ST13: variants seen among roughly 807,000 people sequenced by gnomAD.
The protein encoded by ST13 is hsc70-interacting protein.
Under a neutral mutation model 56.7 loss-of-function variants are expected in ST13, and 23 were observed. The observed-to-expected ratio is 0.41, with a 90% CI of 0.29 to 0.57. The LOEUF is 0.57. Among genes scored for constraint, ST13 ranks in the 20% least tolerant of loss-of-function variants. The pLI is 0.36. For synonymous variants in ST13, 132 were observed against 142.4 expected, an observed-to-expected ratio of 0.93 and a Z score of 0.52; for missense variants, 369 against 459.9, an observed-to-expected ratio of 0.80 and a Z score of 1.81.
At chr22:40,849,471 C>G (rs2057849887) in intron 2 of ST13, among the ~76,000 whole-genome samples, 1 of 122,790 alleles carries the variant, frequency 8.1e-6, no homozygotes, top group South Asian at 2.6e-4. Flanking sequence ...CAGAGTGAGA[C>G]TCTGTCTCAA....
chr22:40,837,116 A>AC (rs1184468899), intron 5 of ST13, among the ~76,000 whole-genome samples: 1 of 152,242 alleles, frequency 6.6e-6, no homozygotes, highest in Non-Finnish European at 1.5e-5. Context: ...GAACACAGAA[A>AC]TTTTTAAATA....
chr22:40,852,779 C>T (rs1253547607), intron 1 of ST13, among the ~76,000 whole-genome samples: 1 of 152,172 alleles, frequency 6.6e-6, no homozygotes, highest in East Asian at 1.9e-4. Flanking sequence ...CCACAAAATT[C>T]TTTTCTATGG....
chr22:40,853,755 A>C (rs954658916), intron 1 of ST13, among the ~76,000 whole-genome samples: 1 of 152,222 alleles, frequency 6.6e-6, no homozygotes, highest in African/African-American at 2.4e-5. Flanking sequence ...ATTTAGGAAA[A>C]GCCATGTGCC....
chr22:40,839,174 G>A (rs2057791086), intron 5 of ST13, among the ~76,000 whole-genome samples: 1 of 152,168 alleles, frequency 6.6e-6, no homozygotes, highest in African/African-American at 2.4e-5. Flanking sequence ...GTATAAAACA[G>A]TATAAACATG....
At chr22:40,844,930 A>T in intron 3 of ST13, 21 bp from the exon 4 acceptor site, 1 of 1,595,922 alleles carries the variant, frequency 6.3e-7, no homozygotes, top group Non-Finnish European at 8.6e-7. Flanking sequence ...CGAGAAAATG[A>T]CAATAAGACC....
intron 3 of ST13, among the ~76,000 whole-genome samples, 176 bp from the exon 4 acceptor site, chr22:40,845,085 G>A (rs2057824290): frequency 6.6e-6 from 1 of 152,096 alleles, no homozygotes; most frequent in Admixed American, 6.5e-5. Flanking sequence ...TACACTTTAC[G>A]TTAACTGTCA....
intron 1 of ST13, among the ~76,000 whole-genome samples, chr22:40,852,068 T>C (rs1271280696): frequency 2.6e-5 from 4 of 152,214 alleles, no homozygotes; most frequent in Non-Finnish European, 5.9e-5. Flanking sequence ...AGAGTTGTCA[T>C]ATCCACACTT....
In ST13 at chr22:40,839,747, G is replaced by C. The variant is rs566870718; in HGVS notation, c.382+879C>G. Among the ~76,000 whole-genome samples, 5 of 151,648 alleles carry C rather than the reference G, an allele frequency of 3.3e-5. No individual in the cohort carries two copies. The South Asian group carries it at 6.3e-4, about 19-fold the overall frequency. On this transcript the variant is annotated intron_variant, in intron 5 of 11. Transcript: ENST00000216218. Reference sequence around the variant, plus strand: ...ACTGCATTCCAGCCTGGACGACAAAGCACGACTCTGTCTCAAAAATAAAAA... The same window carrying C: ...ACTGCATTCCAGCCTGGACGACAAACCACGACTCTGTCTCAAAAATAAAAA...
rs934552778 is a variant in ST13, at chr22:40,848,367, T to A, written c.171A>T (p.Glu57Asp). 21 of 1,608,882 alleles carry A rather than the reference T, an allele frequency of 1.3e-5. No homozygotes were observed. The highest frequency in any genetic ancestry group is 6.7e-5 in the Admixed American group (4 of 59,996). The change falls in exon 3 of 12, where the codon GAA (glutamate) becomes GAT (aspartate). Residue 57 changes from glutamate (E) to aspartate (D), a missense_variant and splice_region_variant. This residue lies in a region of ST13 where 169 missense variants were observed against 175.6 expected (regional missense o/e 0.96). Transcript: ENST00000216218. ...QKAKSEENTKEEKPDSKKVEE... is the reference protein window; with the variant it reads ...QKAKSEENTKDEKPDSKKVEE... ...CCACCTTCTTACTATCAGGTTTTTC[T>A]TCCTAGCAAAGGGAAGACAAACAGT...
chr22:40,844,693 A>C, intron 4 of ST13, 146 bp downstream of exon 4: 1 of 643,970 alleles, frequency 1.6e-6, no homozygotes, highest in South Asian at 2.0e-5. Context: ...TTTAAGTAGT[A>C]AAATACAATG....
chr22:40,853,866 C>T (rs2145753496), intron 1 of ST13, among the ~76,000 whole-genome samples: 1 of 152,042 alleles, frequency 6.6e-6, no homozygotes, highest in South Asian at 2.1e-4. Context: ...AATTGTTAAA[C>T]GGGAGAAAAT....
Position 40,827,143 on chromosome 22 carries a change from C to T in ST13, c.934G>A (p.Gly312Arg), listed in dbSNP as rs775384168. The change falls in exon 11 of 12, where the codon GGA becomes AGA. Residue 312 changes from glycine to arginine, a missense_variant. Around this residue, in one of 3 missense-constraint regions of ST13, gnomAD observed 136 missense variants for 159.2 expected, o/e 0.85. Coordinates refer to ENST00000216218, the MANE Select transcript of ST13 (RefSeq NM_003932.5). ...GGMPGMAGMP[G>R]LNEILSDPEV... ...GGATCACTAAGAATTTCATTGAGTC[C>T]AGGCATTCCAGCCATTCCAGGCATG... 9.3e-6 allele frequency: 15 copies of T among 1,612,188 alleles called. No individual in the cohort carries two copies. The Admixed American group carries it at 2.3e-4, about 25-fold the overall frequency.
intron 5 of ST13, among the ~76,000 whole-genome samples, chr22:40,839,623 G>C (rs1265594119): frequency 6.6e-6 from 1 of 151,942 alleles, no homozygotes; most frequent in Non-Finnish European, 1.5e-5. Context: ...AAATTAGCTG[G>C]AGATGGTAGC....
intron 1 of ST13, among the ~76,000 whole-genome samples, chr22:40,852,793 C>G (rs2057868467): frequency 6.6e-6 from 1 of 152,164 alleles, no homozygotes; most frequent in African/African-American, 2.4e-5. Context: ...TCTATGGAAA[C>G]ACTACTTTGC....
rs1419173576 is a variant in ST13 at position 40,827,236 on chromosome 22, T to TA, written c.848-8dup. The stretch of plus-strand genomic sequence containing the variant: ...ATTCCCCCAGGAAAGCCACCTGTAA[T>TA]AAAAAATGAATAGACACTAATCATA... On this transcript the variant is annotated splice_region_variant and splice_polypyrimidine_tract_variant and intron_variant, in intron 10 of 11. Transcript: ENST00000216218. The TA allele has an allele frequency of 2.5e-6, 4 of 1,613,062 alleles. No homozygotes were observed. The highest frequency in any genetic ancestry group is 2.2e-5 in the South Asian group (2 of 91,056).
chr22:40,827,320 G>A (rs927499107), intron 10 of ST13, 91 bp from the exon 11 acceptor site: 10 of 1,368,100 alleles, frequency 7.3e-6, no homozygotes, highest in Admixed American at 5.2e-5. Flanking sequence ...AAAGAATATG[G>A]GTGCCACTAA....
rs1169332214 is a variant in ST13 at position 40,856,608 on chromosome 22, G to A, written c.-68C>T. ...TTCCAGGCCCAGGCGCTGGCTCGGC[G>A]TGACCGCGCAGAAGGGGGCGGCTGC... On this transcript the variant is annotated 5_prime_UTR_variant, in exon 1 of 12. The change creates a new upstream start codon in the 5' untranslated region. Coordinates refer to ENST00000216218, the MANE Select transcript of ST13 (RefSeq NM_003932.5). 6.0e-6 allele frequency: 8 copies of A among 1,334,208 alleles called. No homozygotes were observed. The allele number at this position is 1,334,208 out of a possible 1,614,324, so 82.6% of individuals were successfully genotyped here. A position where few individuals can be genotyped will look rare whatever the true frequency, so the allele number is the denominator to read the frequency against.
chr22:40,852,882 A>G (rs928716985), intron 1 of ST13, among the ~76,000 whole-genome samples: 1 of 152,212 alleles, frequency 6.6e-6, no homozygotes, highest in Non-Finnish European at 1.5e-5. Flanking sequence ...TGTTCTTCCT[A>G]AGTTTCAAAA....
chr22:40,834,279 T>A (rs1365720465), intron 7 of ST13, among the ~76,000 whole-genome samples: 1 of 152,182 alleles, frequency 6.6e-6, no homozygotes, highest in Non-Finnish European at 1.5e-5. Flanking sequence ...AGTGAGACTC[T>A]GTGTAGAAAC....
Sources: gnomAD v4.1 joint callset for allele counts (sites outside exome capture counted in the v4.1 genomes callset) on GRCh38, gnomAD v4.1.1 for gene constraint, gnomAD v4.1.1 regional missense constraint, MANE v1.5 for transcripts, NCBI Gene and HGNC (gene_info 2026-07-23, HGNC 2026-07-21) for gene names.